The following GDPD3 variants were observed in gnomAD, a reference collection of about 807,000 sequenced individuals.
GDPD3 encodes glycerophosphodiester phosphodiesterase domain containing 3, also known as lysophospholipase D GDPD3.
GDPD3 carries 40 observed loss-of-function variants against 43.7 expected under a neutral mutation model. That is an observed-to-expected ratio of 0.91 (90% CI 0.71 to 1.19). The LOEUF (loss-of-function observed/expected upper bound fraction) is 1.19, where lower values mean the gene tolerates loss of function less well. GDPD3 is among the 50% of genes most tolerant of loss of function. The pLI is 0.00. For missense variants in GDPD3, 363 were observed against 415.8 expected, an observed-to-expected ratio of 0.87 and a Z score of 1.11; for synonymous variants, 145 against 162.9, an observed-to-expected ratio of 0.89 and a Z score of 0.84.
intron 9 of GDPD3, among the ~76,000 whole-genome samples, chr16:30,105,298 T>C (rs1398086228): frequency 6.6e-6 from 1 of 151,850 alleles, no homozygotes; most frequent in East Asian, 1.9e-4. Flanking sequence ...AAAAACTTTG[T>C]AAAAATTAAT....
chr16:30,113,244 C>G lies in GDPD3; in HGVS notation c.139+96G>C. 1 of 1,481,456 alleles carries G rather than the reference C, an allele frequency of 6.8e-7. No homozygotes were observed. 91.8% of individuals were successfully genotyped at this position (1,481,456 alleles called of 1,614,324 possible). A position where few individuals can be genotyped will look rare whatever the true frequency, so the allele number is the denominator to read the frequency against. On this transcript the variant is annotated intron_variant, in intron 1 of 9. Coordinates refer to ENST00000406256, the MANE Select transcript of GDPD3 (RefSeq NM_024307.3). This position sits in a 1 kb window ranked among gnomAD's most constrained non-coding sequence, Gnocchi z 5.9. ...CCTGCCCTGCCACTTCGCTCTCCTT[C>G]TCTCTTGGTCCCTGCCCCGTTTCTA...
At chr16:30,106,493 C>T (rs574362808) in intron 9 of GDPD3, among the ~76,000 whole-genome samples, 3 of 152,204 alleles carry the variant, frequency 2.0e-5, no homozygotes, top group East Asian at 3.9e-4. Context: ...CTTCCCTGCC[C>T]GTTGAGTGGG....
chr16:30,109,316 C>T (rs2072883649), intron 7 of GDPD3, among the ~76,000 whole-genome samples: 1 of 152,168 alleles, frequency 6.6e-6, no homozygotes, highest in Admixed American at 6.5e-5. Flanking sequence ...AGGAGACCAG[C>T]GTGGCCAACA....
At chr16:30,105,666 A>G (rs911068004) in intron 9 of GDPD3, among the ~76,000 whole-genome samples, 1 of 149,936 alleles carries the variant, frequency 6.7e-6, no homozygotes, top group Non-Finnish European at 1.5e-5. Context: ...CACCACGCCC[A>G]GCTAATTTTT....
chr16:30,109,844 C>T (rs149353912), intron 7 of GDPD3, among the ~76,000 whole-genome samples: 2 of 152,224 alleles, frequency 1.3e-5, no homozygotes, highest in East Asian at 3.9e-4. Context: ...CAAAAAACCT[C>T]GTGAGCCACT....
Position 30,112,337 on chromosome 16 carries a change from A to T in GDPD3, c.452T>A (p.Ile151Asn), listed in dbSNP as rs1418279878. 1 of 1,614,084 alleles carries T rather than the reference A, an allele frequency of 6.2e-7. No individual in the cohort carries two copies. Among genetic ancestry groups the T allele is most frequent in the Admixed American group, 1.7e-5 (1 of 60,016 alleles). ...GATGAGCTCTTCGTTCTTCCCTTTG[A>T]TCTCTACGCTCATGGGTGTCCTTGG... ...RFPRTPMSVE[I>N]KGKNEELIRE... Residue 151 changes from isoleucine to asparagine, a missense_variant, in exon 5 of 10, where the codon ATC becomes AAC. By Grantham distance (149) the Ile-to-Asn change is moderately radical (BLOSUM62 -3). Coordinates refer to ENST00000406256, the MANE Select transcript of GDPD3 (RefSeq NM_024307.3). This position sits in a 1 kb window ranked among gnomAD's most constrained non-coding sequence, Gnocchi z 5.4.
Position 30,112,604 on chromosome 16 carries a change from C to T in GDPD3, c.319-36G>A. 1 of 1,614,004 alleles carries T rather than the reference C, an allele frequency of 6.2e-7. No individual in the cohort carries two copies. Among genetic ancestry groups the T allele is most frequent in the Non-Finnish European group, 8.5e-7 (1 of 1,179,960 alleles). On this transcript the variant is annotated intron_variant, in intron 3 of 9. Transcript: ENST00000406256. The surrounding 1 kb of genome is among the most constrained non-coding windows in gnomAD (Gnocchi z 5.4). ...CAGGAAGGATGTCACTAGAGGCCCG[C>T]ATTGGGCATGGTGACTCTCAGGGTG... is the stretch of plus-strand genomic sequence containing the variant.
intron 7 of GDPD3, among the ~76,000 whole-genome samples, chr16:30,109,114 G>A (rs2072882375): frequency 6.6e-6 from 1 of 152,078 alleles, no homozygotes; most frequent in African/African-American, 2.4e-5. Flanking sequence ...ACAGGCGTGA[G>A]CCACCGTGCC....
chr16:30,108,144 G>A, intron 9 of GDPD3, 69 bp downstream of exon 9: 4 of 1,372,152 alleles, frequency 2.9e-6, no homozygotes, highest in Non-Finnish European at 4.0e-6. Context: ...GCAGCTAGTT[G>A]GCAGCAGAGT....
chr16:30,108,264 C>T lies in GDPD3; in HGVS notation c.768G>A (p.Trp256Ter). 1 of 1,612,028 alleles carries T rather than the reference C, an allele frequency of 6.2e-7. No individual in the cohort carries two copies. Among genetic ancestry groups the T allele is most frequent in the Non-Finnish European group, 8.5e-7 (1 of 1,178,994 alleles). Residue 256 changes from tryptophan (W) to a stop codon, truncating the protein, a stop_gained and splice_region_variant, in exon 9 of 10, where the codon TGG becomes TGA. Transcript: ENST00000406256. LOFTEE classifies it high-confidence loss of function. ...GGATCAGACTCTTCCTCATGATCAG[C>T]CTGGGGGTGGGGTGGGGACGTGGGA... is the stretch of plus-strand genomic sequence containing the variant. ...LNQLLAVVSK[W>*]LIMRKSLIRH...
At chr16:30,110,307 T>C (rs897403654) in intron 7 of GDPD3, among the ~76,000 whole-genome samples, 1 of 151,916 alleles carries the variant, frequency 6.6e-6, no homozygotes, top group Non-Finnish European at 1.5e-5. Flanking sequence ...GGCGGGCGCC[T>C]GTAGTCCCAG....
At chr16:30,111,809 T>C in intron 6 of GDPD3, 1 of 528,598 alleles carries the variant, frequency 1.9e-6, no homozygotes, top group Non-Finnish European at 3.4e-6. Context: ...GGCGTGCACC[T>C]GTAATCCCAG....
rs761862537 is a variant in GDPD3 at position 30,111,422 on chromosome 16, ACTT to A, written c.670_672del (p.Lys224del). The A allele has an allele frequency of 1.2e-6, 2 of 1,613,960 alleles. No individual in the cohort carries two copies. The highest frequency in any genetic ancestry group is 1.1e-5 in the South Asian group (1 of 91,076). ...ATGTTGGGCAGGAAGCAGAAGAAGA[ACTT>A]CTCAGGGATTGGGATGAAGGGCAGC... On this transcript the variant is annotated inframe_deletion, in exon 7 of 10. Coordinates refer to ENST00000406256, the MANE Select transcript of GDPD3 (RefSeq NM_024307.3).
chr16:30,108,132 A>G (rs1265816018), intron 9 of GDPD3, 81 bp downstream of exon 9: 2 of 1,272,360 alleles, frequency 1.6e-6, no homozygotes, highest in African/African-American at 1.5e-5. Context: ...TGCCCGAGTG[A>G]TGCAGCTAGT....
chr16:30,112,223 T>TGGG lies in GDPD3; in HGVS notation c.484-5_484-3dup, dbSNP rs755523249. ...ATAGCGTCTCACCAAGCCTGCTATC[T>TGGG]GGGAGGAGGAGAAGGAGGTGAAGGG... is the stretch of plus-strand genomic sequence containing the variant. On this transcript the variant is annotated splice_polypyrimidine_tract_variant and splice_region_variant and intron_variant, in intron 5 of 9. Coordinates refer to ENST00000406256, the MANE Select transcript of GDPD3 (RefSeq NM_024307.3). The surrounding 1 kb of genome is among the most constrained non-coding windows in gnomAD (Gnocchi z 5.4). 1 of 1,613,690 alleles carries TGGG rather than the reference T, an allele frequency of 6.2e-7. No homozygotes were observed. The highest frequency in any genetic ancestry group is 1.1e-5 in the South Asian group (1 of 91,084).
chr16:30,113,483 G>C lies in GDPD3; in HGVS notation c.-5C>G, dbSNP rs762652921. ...ATAGTACAGCAAAAGGCTCATGACC[G>C]TACTCCCACAGAAGCTCCTGCAGCC... On this transcript the variant is annotated 5_prime_UTR_variant, in exon 1 of 10. Transcript: ENST00000406256. The surrounding 1 kb of genome is among the most constrained non-coding windows in gnomAD (Gnocchi z 5.9). 1.9e-6 allele frequency: 3 copies of C among 1,544,808 alleles called. No individual in the cohort carries two copies. The South Asian group carries it at 3.6e-5, about 19-fold the overall frequency.
chr16:30,112,811 A>AG lies in GDPD3; in HGVS notation c.183-19dup. 1 of 1,602,950 alleles carries AG rather than the reference A, an allele frequency of 6.2e-7. No individual in the cohort carries two copies. On this transcript the variant is annotated intron_variant, in intron 2 of 9. Transcript: ENST00000406256. The surrounding 1 kb of genome is among the most constrained non-coding windows in gnomAD (Gnocchi z 5.4). ...CCATGGAGCTGTGGGGGTGAAGGTC[A>AG]GCGGGGGGCAGGGGCAGGGGACTGG...
intron 9 of GDPD3, among the ~76,000 whole-genome samples, chr16:30,106,951 C>T (rs1166935941): frequency 3.3e-5 from 5 of 152,116 alleles, no homozygotes; most frequent in East Asian, 1.9e-4. Flanking sequence ...TTAGTTGATC[C>T]GCTGGCCTTG....
intron 7 of GDPD3, 76 bp downstream of exon 7, chr16:30,111,312 G>A (rs2072896886): frequency 6.6e-7 from 1 of 1,511,992 alleles, no homozygotes; most frequent in African/African-American, 1.4e-5. Flanking sequence ...CTGGGGAGCT[G>A]GGAAGATCTG....
Sources: allele counts gnomAD v4.1 joint callset (sites outside exome capture counted in the v4.1 genomes callset), GRCh38; gene constraint gnomAD v4.1.1; non-coding constraint Gnocchi (gnomAD v3.1); transcripts MANE v1.5; gene names NCBI Gene and HGNC (gene_info 2026-07-23, HGNC 2026-07-21).